MAN2B2: variants seen among roughly 807,000 people sequenced by gnomAD.
MAN2B2 encodes mannosidase alpha class 2B member 2.
MAN2B2 carries 106 observed loss-of-function variants against 117.1 expected under a neutral mutation model. That is an observed-to-expected ratio of 0.90 (90% CI 0.77 to 1.06). The LOEUF (loss-of-function observed/expected upper bound fraction) is 1.06, where lower values mean the gene tolerates loss of function less well. MAN2B2 is among the 50% of genes least tolerant of loss of function. MAN2B2 has a pLI of 0.00. For synonymous variants in MAN2B2, 544 were observed against 595.1 expected, an observed-to-expected ratio of 0.91 and a Z score of 1.25; for missense variants, 1,326 against 1,381.4, an observed-to-expected ratio of 0.96 and a Z score of 0.64.
In MAN2B2 at chr4:6,590,727, G is replaced by A. The variant is rs572461696; in HGVS notation, c.680+1567G>A. The stretch of plus-strand genomic sequence containing the variant: ...CTGTGGATGCAGGGGGAAGGCCCCC[G>A]GACATGGGTGTTTCCCCACCCGTTC... On this transcript the variant is annotated intron_variant, in intron 5 of 18. Transcript: ENST00000285599. Among the ~76,000 whole-genome samples, 439 of 152,322 alleles carry A rather than the reference G, an allele frequency of 2.9e-3. 4 individuals are homozygous for A. Among genetic ancestry groups the A allele is most frequent in the African/African-American group, 1.0e-2 (415 of 41,570 alleles).
chr4:6,587,920 A>T (rs1726703778), intron 4 of MAN2B2, among the ~76,000 whole-genome samples: 1 of 151,742 alleles, frequency 6.6e-6, no homozygotes, highest in Non-Finnish European at 1.5e-5. Flanking sequence ...ACGCCCAGCT[A>T]AATTTTTTGT....
At chr4:6,593,594 C>A (rs1460227499) in intron 6 of MAN2B2, among the ~76,000 whole-genome samples, 1 of 152,242 alleles carries the variant, frequency 6.6e-6, no homozygotes, top group Non-Finnish European at 1.5e-5. Context: ...TCTTCCCTGC[C>A]TGGGCCGGGC....
chr4:6,613,672 G>A (rs1711696738), intron 15 of MAN2B2, among the ~76,000 whole-genome samples: 3 of 142,348 alleles, frequency 2.1e-5, no homozygotes, highest in Admixed American at 1.4e-4. Context: ...AAGGAAAGAA[G>A]GGAGGAAGGA....
At chr4:6,594,039 A>G (rs2108743328) in intron 6 of MAN2B2, among the ~76,000 whole-genome samples, 1 of 152,336 alleles carries the variant, frequency 6.6e-6, no homozygotes, top group East Asian at 1.9e-4. Flanking sequence ...GCTTAAGATC[A>G]GTAACTCAGT....
In MAN2B2 at chr4:6,575,254, TG is replaced by T. The variant is rs1726007635; in HGVS notation, c.45del (p.Leu15PhefsTer105). The T allele has an allele frequency of 6.5e-7, 1 of 1,547,072 alleles. No individual in the cohort carries two copies. The highest frequency in any genetic ancestry group is 8.7e-7 in the Non-Finnish European group (1 of 1,152,064). The stretch of plus-strand genomic sequence containing the variant: ...CTGCCGCTGCTGGCACCGCTCCTGT[TG>T]CTGCGACCGCCAGGGGTCCAGTCCG... The part of the protein sequence containing the change: ...CWLPLLAPLL[L>X]LRPPGVQSAG... On this transcript the variant is annotated frameshift_variant, in exon 1 of 19. Transcript: ENST00000285599. LOFTEE classifies it high-confidence loss of function.
intron 2 of MAN2B2, 147 bp from the exon 3 acceptor site, chr4:6,578,246 G>A (rs535664681): frequency 1.6e-6 from 1 of 634,420 alleles, no homozygotes; most frequent in South Asian, 1.8e-5. Context: ...GTGTGGACCA[G>A]GACAGACAGT....
chr4:6,621,172 A>T lies in MAN2B2; in HGVS notation c.2933-16A>T. 1 of 1,599,084 alleles carries T rather than the reference A, an allele frequency of 6.3e-7. No homozygotes were observed. The highest frequency in any genetic ancestry group is 1.1e-5 in the South Asian group (1 of 90,694). On this transcript the variant is annotated splice_polypyrimidine_tract_variant and intron_variant, in intron 18 of 18. Coordinates refer to ENST00000285599, the MANE Select transcript of MAN2B2 (RefSeq NM_015274.3). ...CATCCCAGGCCACACTGGACAGATCACCTCTGTTCCCCTAGGTGACACCAC... is the reference window on the plus strand; with the variant it reads ...CATCCCAGGCCACACTGGACAGATCTCCTCTGTTCCCCTAGGTGACACCAC...
chr4:6,576,791 T>G, intron 2 of MAN2B2, 67 bp downstream of exon 2: 1 of 1,591,642 alleles, frequency 6.3e-7, no homozygotes, highest in South Asian at 1.1e-5. Flanking sequence ...GAAAACTCAA[T>G]GGGGCAGTTC....
At position 6,578,435 on chromosome 4, in the gene MAN2B2, G is replaced by T. The variant is rs375439097; in HGVS notation, c.328G>T (p.Gly110Ter). The change falls in exon 3 of 19, where the codon GGA becomes TGA. Residue 110 changes from glycine to a stop codon, truncating the protein, a stop_gained. Transcript: ENST00000285599. LOFTEE classifies it high-confidence loss of function. ...LEEGRLEFVI[G>*]GQVMHDEAVT... ...GGAAGGACGCCTGGAATTTGTCATCGGAGGCCAGGTCATGCATGACGAGGC... is the reference window on the plus strand; with the variant it reads ...GGAAGGACGCCTGGAATTTGTCATCTGAGGCCAGGTCATGCATGACGAGGC... The T allele has an allele frequency of 1.9e-6, 3 of 1,613,674 alleles. No homozygotes were observed. The South Asian group carries it at 3.3e-5, about 18-fold the overall frequency.
intron 5 of MAN2B2, among the ~76,000 whole-genome samples, chr4:6,591,021 G>A (rs549236559): frequency 1.3e-5 from 2 of 152,076 alleles, no homozygotes; most frequent in African/African-American, 2.4e-5. Context: ...TGGCAGCATT[G>A]CCTGTAATCT....
chr4:6,585,800 G>A (rs549295966), intron 3 of MAN2B2, among the ~76,000 whole-genome samples: 31 of 152,320 alleles, frequency 2.0e-4, no homozygotes, highest in African/African-American at 7.0e-4. Context: ...GCGGCTGTGA[G>A]AGGAAGCCTC....
intron 3 of MAN2B2, among the ~76,000 whole-genome samples, chr4:6,580,098 C>T (rs1726370521): frequency 6.6e-6 from 1 of 152,198 alleles, no homozygotes; most frequent in African/African-American, 2.4e-5. Flanking sequence ...ATGTTTTTGG[C>T]ACTCTCCCTT....
chr4:6,612,955 C>T (rs1298488357), intron 15 of MAN2B2, among the ~76,000 whole-genome samples: 1 of 152,248 alleles, frequency 6.6e-6, no homozygotes, highest in African/African-American at 2.4e-5. Context: ...GCACTTCTCT[C>T]TGTCTGCAGA....
At chr4:6,604,074 G>A (rs770535686) in intron 10 of MAN2B2, among the ~76,000 whole-genome samples, 7 of 152,212 alleles carry the variant, frequency 4.6e-5, no homozygotes, top group African/African-American at 1.7e-4. Flanking sequence ...GCCCCTCCCA[G>A]GAGAAGGTAG....
chr4:6,594,359 G>C (rs1425647373), intron 6 of MAN2B2, among the ~76,000 whole-genome samples, 175 bp from the exon 7 acceptor site: 1 of 152,152 alleles, frequency 6.6e-6, no homozygotes, highest in Non-Finnish European at 1.5e-5. Context: ...TTGAACCCGG[G>C]AGGCGGAGGT....
chr4:6,592,971 G>A (rs1256000368), intron 5 of MAN2B2, among the ~76,000 whole-genome samples: 2 of 152,188 alleles, frequency 1.3e-5, no homozygotes, highest in African/African-American at 4.8e-5. Flanking sequence ...CCTGAGACCC[G>A]GGGTCTGATG....
intron 16 of MAN2B2, among the ~76,000 whole-genome samples, chr4:6,616,470 T>C (rs761700209): frequency 4.6e-5 from 7 of 152,200 alleles, no homozygotes; most frequent in Non-Finnish European, 1.0e-4. Flanking sequence ...TTCTCCCCCA[T>C]GCTGTGCATC....
At chr4:6,612,178 C>A (rs538798600) in intron 15 of MAN2B2, among the ~76,000 whole-genome samples, 136 of 152,346 alleles carry the variant, frequency 8.9e-4, no homozygotes, top group Non-Finnish European at 1.7e-3. Context: ...GTCACTCACC[C>A]ATGCAACAAG....
chr4:6,603,755 C>T (rs956442007), intron 10 of MAN2B2, among the ~76,000 whole-genome samples: 1 of 152,132 alleles, frequency 6.6e-6, no homozygotes, highest in Admixed American at 6.5e-5. Flanking sequence ...CGATGACCAC[C>T]GTGAGGGGGA....
Sources: gnomAD v4.1 joint callset for allele counts (sites outside exome capture counted in the v4.1 genomes callset) on GRCh38, gnomAD v4.1.1 for gene constraint, MANE v1.5 for transcripts, NCBI Gene and HGNC (gene_info 2026-07-23, HGNC 2026-07-21) for gene names.